PTPRG: variants seen among roughly 807,000 people sequenced by gnomAD.
PTPRG encodes receptor-type tyrosine-protein phosphatase gamma.
PTPRG carries 102 observed loss-of-function variants against 165.3 expected under a neutral mutation model. The observed-to-expected ratio is 0.62, with a 90% CI of 0.53 to 0.73. The LOEUF is 0.73. PTPRG is among the 30% of genes least tolerant of loss of function. The pLI is 0.00. For missense variants in PTPRG, 1,866 were observed against 1,861.4 expected (o/e 1.00, Z -0.05); for synonymous variants, 675 against 669.5 (o/e 1.01, Z -0.13).
At chr3:62,247,520 T>C (rs908555972) in intron 15 of PTPRG, among the ~76,000 whole-genome samples, 3 of 152,166 alleles carry the variant, frequency 2.0e-5, no homozygotes, top group African/African-American at 7.2e-5. Flanking sequence ...TCATAATTCT[T>C]GGGTTGACAT....
chr3:62,276,193 T>C (rs1044832948), intron 24 of PTPRG, among the ~76,000 whole-genome samples: 5 of 152,136 alleles, frequency 3.3e-5, no homozygotes, highest in Non-Finnish European at 7.4e-5. Context: ...CTTATTCAAC[T>C]AAGGTAGTTT....
At chr3:62,166,104 G>C (rs1253844777) in intron 7 of PTPRG, among the ~76,000 whole-genome samples, 1 of 150,700 alleles carries the variant, frequency 6.6e-6, no homozygotes, top group Non-Finnish European at 1.5e-5. Flanking sequence ...AGAGGATCCA[G>C]ATGGGCCAGA....
intron 2 of PTPRG, among the ~76,000 whole-genome samples, chr3:61,950,286 C>T (rs1194925643): frequency 1.3e-5 from 2 of 152,108 alleles, no homozygotes; most frequent in South Asian, 4.1e-4. Context: ...CCTCTTATGC[C>T]CCTGCAGTTT....
intron 26 of PTPRG, among the ~76,000 whole-genome samples, chr3:62,280,256 G>A (rs1254740890): frequency 1.3e-5 from 2 of 151,896 alleles, no homozygotes; most frequent in African/African-American, 4.8e-5. Context: ...TATTAGCAGA[G>A]TGATTTTAGA....
At chr3:62,129,525 G>A (rs1054566535) in intron 5 of PTPRG, among the ~76,000 whole-genome samples, 7 of 152,072 alleles carry the variant, frequency 4.6e-5, no homozygotes, top group East Asian at 1.9e-4. Context: ...CCATGGCAAC[G>A]CGTATCACAT....
At chr3:61,718,252 A>G (rs2031902212) in intron 1 of PTPRG, among the ~76,000 whole-genome samples, 1 of 151,808 alleles carries the variant, frequency 6.6e-6, no homozygotes, top group African/African-American at 2.4e-5. Flanking sequence ...GAACCAAGAC[A>G]GATTTGGAAA....
chr3:61,562,524 C>A, intron 1 of PTPRG, 152 bp downstream of exon 1: 1 of 693,346 alleles, frequency 1.4e-6, no homozygotes, highest in Non-Finnish European at 2.5e-6. Context: ...AAGGATTGCT[C>A]CGCTGGCTTG....
intron 1 of PTPRG, among the ~76,000 whole-genome samples, chr3:61,607,113 A>C (rs181402588): frequency 1.5e-4 from 23 of 152,296 alleles, no homozygotes; most frequent in Admixed American, 1.4e-3. Flanking sequence ...AGGATAACAC[A>C]TGCCCACTTT....
At chr3:61,887,153 TATATA>T (rs2038068492) in intron 2 of PTPRG, among the ~76,000 whole-genome samples, 1 of 59,870 alleles carries the variant, frequency 1.7e-5, no homozygotes, top group African/African-American at 3.7e-5. Context: ...TATATATATA[TATATA>T]TATATATATA....
At chr3:62,239,941 T>C (rs1294437521) in intron 14 of PTPRG, among the ~76,000 whole-genome samples, 1 of 152,162 alleles carries the variant, frequency 6.6e-6, no homozygotes, top group African/African-American at 2.4e-5. Context: ...GTAGAATTTG[T>C]ACATGCAAAG....
chr3:62,007,265 C>A (rs1223145985), intron 4 of PTPRG, among the ~76,000 whole-genome samples: 3 of 152,194 alleles, frequency 2.0e-5, no homozygotes, highest in Non-Finnish European at 4.4e-5. Context: ...TTGTAGGCAT[C>A]CAGAAATTAA....
intron 4 of PTPRG, among the ~76,000 whole-genome samples, chr3:62,070,522 C>G (rs567680189): frequency 6.6e-6 from 1 of 152,342 alleles, no homozygotes; most frequent in South Asian, 2.1e-4. Flanking sequence ...GCTAGGGACA[C>G]AGCCTTGCAC....
At position 62,281,636 on chromosome 3, in the gene PTPRG, T is replaced by A; in HGVS notation, c.3839T>A (p.Ile1280Asn). The A allele has an allele frequency of 6.2e-7, 1 of 1,603,664 alleles. No homozygotes were observed. Among genetic ancestry groups the A allele is most frequent in the Admixed American group, 1.7e-5 (1 of 58,712 alleles). The change falls in exon 27 of 30, where the codon ATC becomes AAC. Residue 1280 changes from isoleucine (I) to asparagine (N), a missense_variant. Ile to Asn is a moderately radical substitution (Grantham distance 149). Transcript: ENST00000474889. ...TGTGAGGCCTTTACCGTCACCCTTA[T>A]CAGCAAAGACAGACTGTGCCTCTCT... ...MNCEAFTVTL[I>N]SKDRLCLSNE...
At chr3:61,877,740 T>C (rs571172798) in intron 2 of PTPRG, among the ~76,000 whole-genome samples, 1 of 152,242 alleles carries the variant, frequency 6.6e-6, no homozygotes, top group African/African-American at 2.4e-5. Context: ...AAATGTAAAA[T>C]GCATGCTAGT....
chr3:61,759,142 G>T (rs654139), intron 2 of PTPRG, among the ~76,000 whole-genome samples: 127,355 of 152,104 alleles, frequency 0.84, 53,819 homozygotes, highest in African/African-American at 0.95. Context: ...TCAGCTACCT[G>T]AAGGGTGGTT....
chr3:61,642,963 T>A (rs1284254056), intron 1 of PTPRG, among the ~76,000 whole-genome samples: 1 of 152,130 alleles, frequency 6.6e-6, no homozygotes, highest in Non-Finnish European at 1.5e-5. Context: ...TAAAAACAAA[T>A]ACAGCTGATC....
chr3:61,705,465 A>T (rs1405478229), intron 1 of PTPRG, among the ~76,000 whole-genome samples: 1 of 152,162 alleles, frequency 6.6e-6, no homozygotes, highest in Non-Finnish European at 1.5e-5. Flanking sequence ...GGCCTGCTGT[A>T]AAGTAGCTAA....
At chr3:62,141,334 G>T (rs556436439) in intron 6 of PTPRG, among the ~76,000 whole-genome samples, 4 of 152,176 alleles carry the variant, frequency 2.6e-5, no homozygotes, top group African/African-American at 9.6e-5. Flanking sequence ...GGCCAGGCGC[G>T]GTGGCTCATG....
intron 1 of PTPRG, among the ~76,000 whole-genome samples, chr3:61,619,930 T>C (rs147506020): frequency 1.3e-5 from 2 of 152,322 alleles, no homozygotes; most frequent in East Asian, 3.9e-4. Flanking sequence ...AAACAGGTGC[T>C]GATGAAAGCA....
Sources: gnomAD v4.1 joint callset for allele counts (sites outside exome capture counted in the v4.1 genomes callset) on GRCh38, gnomAD v4.1.1 for gene constraint, MANE v1.5 for transcripts, NCBI Gene and HGNC (gene_info 2026-07-23, HGNC 2026-07-21) for gene names.